The following ACADSB variants were observed in gnomAD, a reference collection of about 807,000 sequenced individuals.
The protein encoded by ACADSB is acyl-CoA dehydrogenase short/branched chain.
ACADSB carries 40 observed loss-of-function variants against 54.1 expected under a neutral mutation model. That is an observed-to-expected ratio of 0.74 (90% CI 0.57 to 0.96). ACADSB has a LOEUF of 0.96. Ranked by LOEUF, ACADSB falls within the 40% of genes least tolerant of loss-of-function variation. The probability of loss-of-function intolerance (pLI) is 0.00; values close to 1 mark genes in which losing one functional copy is unlikely to be tolerated. For missense variants in ACADSB, 530 were observed against 510.4 expected (o/e 1.04, Z -0.37); for synonymous variants, 182 against 182.8 (o/e 1.00, Z 0.03).
Position 123,043,079 on chromosome 10 carries a change from C to G in ACADSB, c.715C>G (p.Arg239Gly). The G allele has an allele frequency of 6.2e-7, 1 of 1,613,752 alleles. No homozygotes were observed. Among genetic ancestry groups the G allele is most frequent in the Non-Finnish European group, 8.5e-7 (1 of 1,179,718 alleles). ...GGGAATTACCTCCTTCTTAGTAGAT[C>G]GTGATACTCCGGGCCTTCATATAGG... Reference protein sequence around the residue: ...YKGITSFLVDRDTPGLHIGKP... With the variant: ...YKGITSFLVDGDTPGLHIGKP... The change falls in exon 6 of 11, where the codon CGT becomes GGT. Residue 239 changes from arginine to glycine, a missense_variant. Physicochemically the swap from Arg to Gly is moderately radical, Grantham distance 125 (BLOSUM62 -2). Transcript: ENST00000358776.
rs758236003 is a variant in ACADSB, at chr10:123,034,558, A to T, written c.202+43A>T. On this transcript the variant is annotated intron_variant, in intron 2 of 10. Transcript: ENST00000358776. ...TGTCACCTTTTTCTCCCCAGACAGG[A>T]TCTCTGGAGCATAGTGGTGCAATCA... 9 of 1,582,874 alleles carry T rather than the reference A, an allele frequency of 5.7e-6. No homozygotes were observed. In the African/African-American group the frequency reaches 1.2e-4, roughly 21 times the overall value.
At chr10:123,033,124 A>G (rs1757197364) in intron 1 of ACADSB, among the ~76,000 whole-genome samples, 1 of 151,946 alleles carries the variant, frequency 6.6e-6, no homozygotes, top group Admixed American at 6.6e-5. Context: ...TCCTGTCCCA[A>G]CTCTGTCTTT....
Position 123,053,097 on chromosome 10 carries a change from A to T in ACADSB, c.1165A>T (p.Met389Leu), listed in dbSNP as rs201877440. ...AACAACGAGTAAATGTATCGAGTGG[A>T]TGGGGGGAGTAGGCTACACCAAAGA... ...GQTTSKCIEWMGGVGYTKDYP... is the reference protein window; with the variant it reads ...GQTTSKCIEWLGGVGYTKDYP... The change falls in exon 10 of 11, where the codon ATG becomes TTG. Residue 389 changes from methionine (M) to leucine (L), a missense_variant. Met to Leu is a conservative substitution (Grantham distance 15). Transcript: ENST00000358776. The T allele has an allele frequency of 6.2e-7, 1 of 1,613,992 alleles. No homozygotes were observed.
rs1217756989 is a variant in ACADSB at position 123,057,729 on chromosome 10, G to C, written c.*3964G>C. 1 of 152,178 alleles carries C rather than the reference G, an allele frequency of 6.6e-6. No homozygotes were observed. Among genetic ancestry groups the C allele is most frequent in the African/African-American group, 2.4e-5 (1 of 41,440 alleles). The allele number at this position is 152,178 out of a possible 1,614,324, so 9.4% of individuals were successfully genotyped here. A position where few individuals can be genotyped will look rare whatever the true frequency, so the allele number is the denominator to read the frequency against. ...ATCATGGAAAGTTAAAATCTAGAAA[G>C]ACCTTAGAGAACCAGCCAACCAACT... On this transcript the variant is annotated 3_prime_UTR_variant, in exon 11 of 11. Transcript: ENST00000358776.
In ACADSB at chr10:123,044,385, AT is replaced by A. The variant is rs758192207; in HGVS notation, c.808-4del. 6.3e-7 allele frequency: 1 copy of A among 1,598,368 alleles called. No homozygotes were observed. The highest frequency in any genetic ancestry group is 1.1e-5 in the South Asian group (1 of 90,706). On this transcript the variant is annotated splice_region_variant and splice_polypyrimidine_tract_variant and intron_variant, in intron 6 of 10. Transcript: ENST00000358776. Reference sequence around the variant, plus strand: ...AACTGAGAAATAAGTGCACATTTGTATTTTCAGGTTCCAGAAGCCAATATCT... The same window carrying A: ...AACTGAGAAATAAGTGCACATTTGTATTTCAGGTTCCAGAAGCCAATATCT...
intron 1 of ACADSB, among the ~76,000 whole-genome samples, chr10:123,014,390 G>A (rs1850085177): frequency 6.6e-6 from 1 of 152,228 alleles, no homozygotes; most frequent in African/African-American, 2.4e-5. Flanking sequence ...CTGGAGTGCA[G>A]TGATACAGAT....
At chr10:123,036,424 T>C (rs1850399568) in intron 2 of ACADSB, among the ~76,000 whole-genome samples, 1 of 152,172 alleles carries the variant, frequency 6.6e-6, no homozygotes, top group Admixed American at 6.5e-5. Context: ...GCCTTTTAGA[T>C]ATGGTCTCAG....
chr10:123,044,606 T>C (rs2133484866), intron 7 of ACADSB, 121 bp downstream of exon 7: 1 of 780,828 alleles, frequency 1.3e-6, no homozygotes, highest in Non-Finnish European at 2.2e-6. Context: ...TTCCCTTACA[T>C]GAGGGATAGA....
Position 123,028,430 on chromosome 10 carries a change from C to G in ACADSB, c.43-5926C>G, listed in dbSNP as rs144549364. Among the ~76,000 whole-genome samples, 371 of 152,196 alleles carry G rather than the reference C, an allele frequency of 2.4e-3. 1 individual carries two copies. Among genetic ancestry groups the G allele is most frequent in the African/African-American group, 8.0e-3 (333 of 41,530 alleles). On this transcript the variant is annotated intron_variant, in intron 1 of 10. Coordinates refer to ENST00000358776, the MANE Select transcript of ACADSB (RefSeq NM_001609.4). ...CTATAATCCCAGCACTTTGGGAAGC[C>G]AAGGCAGAAGGATCACTTGAGGCCC...
chr10:123,021,875 C>T (rs1022167389), intron 1 of ACADSB, among the ~76,000 whole-genome samples: 1 of 152,072 alleles, frequency 6.6e-6, no homozygotes, highest in Admixed American at 6.5e-5. Flanking sequence ...AAATAGGGTC[C>T]TTGGTGACTT....
chr10:123,013,862 C>T (rs1441792651), intron 1 of ACADSB, among the ~76,000 whole-genome samples: 2 of 152,218 alleles, frequency 1.3e-5, no homozygotes, highest in African/African-American at 4.8e-5. Context: ...CCACGCAGCC[C>T]TGGTTCCCGC....
At chr10:123,034,123 A>G (rs1850364523) in intron 1 of ACADSB, among the ~76,000 whole-genome samples, 1 of 152,256 alleles carries the variant, frequency 6.6e-6, no homozygotes, top group South Asian at 2.1e-4. Flanking sequence ...TTGATTGGTA[A>G]AAGTTAGTTA....
In ACADSB at chr10:123,047,359, G is replaced by GAA. The variant is rs1172195833; in HGVS notation, c.990+61_990+62insAA. 29 of 1,208,398 alleles carry GAA rather than the reference G, an allele frequency of 2.4e-5. No homozygotes were observed. The African/African-American group carries it at 4.3e-4, about 18-fold the overall frequency. 74.9% of individuals were successfully genotyped at this position (1,208,398 alleles called of 1,614,324 possible). A position where few individuals can be genotyped will look rare whatever the true frequency, so the allele number is the denominator to read the frequency against. Reference sequence around the variant, plus strand: ...CTTCCCCAGCTTCCTGTTAATGAAGGGCTGTGTTGAAATCCATGGAGGGAA... The same window carrying GAA: ...CTTCCCCAGCTTCCTGTTAATGAAGGAAGCTGTGTTGAAATCCATGGAGGGAA... On this transcript the variant is annotated intron_variant, in intron 8 of 10. Transcript: ENST00000358776.
chr10:123,053,090 C>T lies in ACADSB; in HGVS notation c.1158C>T (p.Ile386=), dbSNP rs776200797. Residue 386 remains isoleucine (I), a synonymous_variant, in exon 10 of 11, where the codon ATC becomes ATT. Coordinates refer to ENST00000358776, the MANE Select transcript of ACADSB (RefSeq NM_001609.4). Reference sequence around the variant, plus strand: ...CAGGACAAACAACGAGTAAATGTATCGAGTGGATGGGGGGAGTAGGCTACA... The same window carrying T: ...CAGGACAAACAACGAGTAAATGTATTGAGTGGATGGGGGGAGTAGGCTACA... The part of the protein sequence containing the change: ...EIAGQTTSKC[I]EWMGGVGYTK... 8.1e-6 allele frequency: 13 copies of T among 1,613,764 alleles called. No individual in the cohort carries two copies. In the Admixed American group the frequency reaches 8.3e-5, roughly 10 times the overall value.
intron 1 of ACADSB, 85 bp downstream of exon 1, chr10:123,009,156 C>T (rs1849959628): frequency 5.6e-6 from 8 of 1,430,758 alleles, no homozygotes; most frequent in Non-Finnish European, 6.7e-6. Flanking sequence ...TCTAACGGGC[C>T]TCGGGGCGCC....
intron 3 of ACADSB, 111 bp from the exon 4 acceptor site, chr10:123,040,355 A>T: frequency 1.2e-6 from 1 of 843,688 alleles, no homozygotes; most frequent in East Asian, 3.2e-5. Flanking sequence ...TCTCAAAAAA[A>T]AAATAATAAT....
chr10:123,053,905 C>T lies in ACADSB; in HGVS notation c.*140C>T. On this transcript the variant is annotated 3_prime_UTR_variant, in exon 11 of 11. Coordinates refer to ENST00000358776, the MANE Select transcript of ACADSB (RefSeq NM_001609.4). ...TTTAATGAAGCCCTTAGTCAGGGTC[C>T]TGGTGTTGGCCTTTTTGGTTTTCTC... The T allele has an allele frequency of 1.2e-6, 1 of 804,238 alleles. No individual in the cohort carries two copies. Among genetic ancestry groups the T allele is most frequent in the East Asian group, 2.6e-5 (1 of 37,822 alleles). 49.8% of individuals were successfully genotyped at this position (804,238 alleles called of 1,614,324 possible).
In ACADSB at chr10:123,044,485, G is replaced by A; in HGVS notation, c.900G>A (p.Gln300=). 1 of 1,608,868 alleles carries A rather than the reference G, an allele frequency of 6.2e-7. No individual in the cohort carries two copies. Among genetic ancestry groups the A allele is most frequent in the Non-Finnish European group, 8.5e-7 (1 of 1,175,344 alleles). Residue 300 remains glutamine (Q), a splice_region_variant and synonymous_variant, in exon 7 of 11, where the codon CAG becomes CAA. Transcript: ENST00000358776. ...LNEGRIGIAA[Q]MLGLAQGCFD... The stretch of plus-strand genomic sequence containing the variant: ...AAGGTAGAATAGGAATTGCTGCACA[G>A]GTAAGTCAGATTTAAACTCTTCCAT...
intron 1 of ACADSB, among the ~76,000 whole-genome samples, chr10:123,022,418 G>A (rs1850195079): frequency 6.6e-6 from 1 of 152,220 alleles, no homozygotes; most frequent in African/African-American, 2.4e-5. Context: ...CTCCCAGAAG[G>A]AGTCTAGAGT....
Sources: gnomAD v4.1 joint callset for allele counts (sites outside exome capture counted in the v4.1 genomes callset) on GRCh38, gnomAD v4.1.1 for gene constraint, MANE v1.5 for transcripts, NCBI Gene and HGNC (gene_info 2026-07-23, HGNC 2026-07-21) for gene names.